The following GRIK2 variants were observed in gnomAD, a reference collection of about 807,000 sequenced individuals.
The protein encoded by GRIK2 is glutamate ionotropic receptor kainate type subunit 2.
A neutral mutation model predicts 100.3 loss-of-function variants in GRIK2; 32 were observed. The ratio of observed to expected loss-of-function variants is 0.32; its 90% confidence interval spans 0.24 to 0.43. The LOEUF is 0.43. Ranked by LOEUF, GRIK2 falls within the 20% of genes least tolerant of loss-of-function variation. The pLI is 1.00. For missense variants in GRIK2, 843 were observed against 1,114.9 expected, an observed-to-expected ratio of 0.76 and a Z score of 3.47; for synonymous variants, 417 against 389.4, an observed-to-expected ratio of 1.07 and a Z score of -0.83.
chr6:101,544,009 T>C (rs1284618557), intron 2 of GRIK2, among the ~76,000 whole-genome samples: 1 of 152,054 alleles, frequency 6.6e-6, no homozygotes, highest in Non-Finnish European at 1.5e-5. Context: ...TGGTTGAGCA[T>C]ATGTCAAGAA....
chr6:101,969,013 T>C (rs1455205221), intron 14 of GRIK2, among the ~76,000 whole-genome samples: 2 of 152,046 alleles, frequency 1.3e-5, no homozygotes, highest in Non-Finnish European at 2.9e-5. Context: ...TTAAGTAATA[T>C]TTAATCTTAA....
chr6:101,581,127 C>T (rs1039463253), intron 2 of GRIK2, among the ~76,000 whole-genome samples: 2 of 151,466 alleles, frequency 1.3e-5, no homozygotes, highest in Admixed American at 6.6e-5. Flanking sequence ...GCATGTGTTA[C>T]GTTTCTCCAG....
At chr6:102,001,185 ATTT>A (rs66913053) in intron 14 of GRIK2, among the ~76,000 whole-genome samples, 42 of 142,696 alleles carry the variant, frequency 2.9e-4, no homozygotes, top group African/African-American at 1.0e-3. Flanking sequence ...CTTCTTCTTT[ATTT>A]TTTTTTTTTT....
chr6:101,618,615 T>C (rs1318394922), intron 2 of GRIK2, among the ~76,000 whole-genome samples: 1 of 151,870 alleles, frequency 6.6e-6, no homozygotes, highest in Non-Finnish European at 1.5e-5. Flanking sequence ...TTTTCTCGTA[T>C]ACTTCACATG....
chr6:101,988,132 TGCGCGCGCGCGCGCGC>T lies in GRIK2; in HGVS notation c.2086-47201_2086-47186del, dbSNP rs112299589. Among the ~76,000 whole-genome samples the T allele has an allele frequency of 4.7e-4, 14 of 29,562 alleles. 1 individual carries two copies. Among genetic ancestry groups the T allele is most frequent in the Middle Eastern group, 0.04 (2 of 50 alleles). 19.4% of individuals were successfully genotyped at this position (29,562 alleles called of 152,430 possible). A position where few individuals can be genotyped will look rare whatever the true frequency, so the allele number is the denominator to read the frequency against. The stretch of plus-strand genomic sequence containing the variant: ...GTGTGTGTGTGTGTGTGTGTGTGTG[TGCGCGCGCGCGCGCGC>T]GCGCGCGTGCGCGCACATGCAAGAG... On this transcript the variant is annotated intron_variant, in intron 14 of 16. Transcript: ENST00000369134.
intron 14 of GRIK2, among the ~76,000 whole-genome samples, chr6:102,030,683 A>C (rs1349717528): frequency 6.6e-6 from 1 of 150,742 alleles, no homozygotes; most frequent in African/African-American, 2.4e-5. Flanking sequence ...TTCTCTGTTT[A>C]CTCTTTTTAC....
chr6:101,517,084 A>ACTTAT, intron 2 of GRIK2, among the ~76,000 whole-genome samples: 1 of 152,124 alleles, frequency 6.6e-6, no homozygotes, highest in Non-Finnish European at 1.5e-5. Flanking sequence ...AAATTAAGGT[A>ACTTAT]CTTATCTTCA....
chr6:101,692,039 C>CAAAAAAAAAAAAAAAAAAAAA (rs60210939), intron 7 of GRIK2, among the ~76,000 whole-genome samples: 3 of 78,390 alleles, frequency 3.8e-5, no homozygotes, highest in African/African-American at 1.5e-4. Flanking sequence ...CACCCCGTCT[C>CAAAAAAAAAAAAAAAAAAAAA]AAAAAAAAAA....
chr6:101,939,274 T>G (rs1790808237), intron 14 of GRIK2, among the ~76,000 whole-genome samples: 1 of 152,008 alleles, frequency 6.6e-6, no homozygotes, highest in South Asian at 2.1e-4. Context: ...GGTTTCTGCT[T>G]TTTTGAATTT....
intron 7 of GRIK2, among the ~76,000 whole-genome samples, chr6:101,772,672 C>T (rs1342649029): frequency 8.2e-6 from 1 of 122,196 alleles, no homozygotes; most frequent in African/African-American, 3.3e-5. Flanking sequence ...GATCTCTTCC[C>T]TAATGCCACC....
At chr6:101,826,147 A>G (rs967795516) in intron 10 of GRIK2, among the ~76,000 whole-genome samples, 18 of 152,146 alleles carry the variant, frequency 1.2e-4, no homozygotes, top group African/African-American at 4.3e-4. Flanking sequence ...CCTAAAGGAG[A>G]AAGAGTAGAT....
chr6:101,862,230 T>C (rs1234956049), intron 11 of GRIK2, among the ~76,000 whole-genome samples: 1 of 152,000 alleles, frequency 6.6e-6, no homozygotes, highest in East Asian at 1.9e-4. Context: ...TTTTTGTAGA[T>C]AGGAAAAAAA....
At chr6:102,001,138 A>T (rs968588717) in intron 14 of GRIK2, among the ~76,000 whole-genome samples, 50 of 152,102 alleles carry the variant, frequency 3.3e-4, no homozygotes, top group African/African-American at 1.2e-3. Flanking sequence ...TCAAAAACCC[A>T]AATGCCCGCT....
intron 11 of GRIK2, among the ~76,000 whole-genome samples, chr6:101,860,606 G>A (rs530724893): frequency 4.7e-4 from 72 of 152,246 alleles, no homozygotes; most frequent in Admixed American, 2.7e-3. Flanking sequence ...TTCAATGGTC[G>A]TGGTCTAACA....
At chr6:101,464,942 C>A (rs2128253638) in intron 2 of GRIK2, among the ~76,000 whole-genome samples, 1 of 152,256 alleles carries the variant, frequency 6.6e-6, no homozygotes, top group African/African-American at 2.4e-5. Context: ...GATTAATATT[C>A]TTTCTAAGTC....
chr6:102,049,485 T>C (rs2518152), intron 15 of GRIK2, among the ~76,000 whole-genome samples: 54,812 of 151,952 alleles, frequency 0.36, 10,273 homozygotes, highest in Middle Eastern at 0.45. Context: ...TCCCCGACAA[T>C]AAATTTAAAC....
At chr6:101,487,258 T>C (rs1772877808) in intron 2 of GRIK2, among the ~76,000 whole-genome samples, 2 of 146,714 alleles carry the variant, frequency 1.4e-5, no homozygotes, top group Non-Finnish European at 1.5e-5. Flanking sequence ...ATTTTTCTTA[T>C]GAACCATGAG....
intron 7 of GRIK2, among the ~76,000 whole-genome samples, chr6:101,710,669 G>C (rs190868815): frequency 7.9e-5 from 12 of 151,898 alleles, no homozygotes; most frequent in Admixed American, 7.9e-4. Context: ...AGCCACTCCT[G>C]TAGCTCATCC....
intron 14 of GRIK2, among the ~76,000 whole-genome samples, chr6:101,953,543 C>T (rs1029220435): frequency 6.6e-6 from 1 of 152,094 alleles, no homozygotes; most frequent in African/African-American, 2.4e-5. Flanking sequence ...TGTGCTTATT[C>T]ACCATTTGTA....
Sources: gnomAD v4.1 joint callset for allele counts (sites outside exome capture counted in the v4.1 genomes callset) on GRCh38, gnomAD v4.1.1 for gene constraint, MANE v1.5 for transcripts, NCBI Gene and HGNC (gene_info 2026-07-23, HGNC 2026-07-21) for gene names.